The following KCNJ2 variants were observed in gnomAD, a reference collection of about 807,000 sequenced individuals.
The protein encoded by KCNJ2 is inward rectifier potassium channel 2.
In KCNJ2, 12 loss-of-function variants were observed where a neutral mutation model predicts 28.4. That is an observed-to-expected ratio of 0.42 (90% CI 0.27 to 0.68). The LOEUF is 0.68. Among genes scored for constraint, KCNJ2 ranks in the 30% least tolerant of loss-of-function variants. The pLI is 0.23. For synonymous variants in KCNJ2, 200 were observed against 203.2 expected (o/e 0.98, Z 0.13); for missense variants, 320 against 551.3 (o/e 0.58, Z 4.20).
In KCNJ2 at chr17:70,176,825, A is replaced by C. The variant is rs1197838421; in HGVS notation, c.*502A>C. On this transcript the variant is annotated 3_prime_UTR_variant, in exon 2 of 2. Transcript: ENST00000243457. The stretch of plus-strand genomic sequence containing the variant: ...AGCTCATGATGCGCTTCAAAGTGGC[A>C]AGTATTTGGCTATTAACTGCCAAAA... 5.5e-6 allele frequency: 1 copy of C among 180,440 alleles called. No individual in the cohort carries two copies. Among genetic ancestry groups the C allele is most frequent in the Non-Finnish European group, 1.3e-5 (1 of 75,540 alleles). The allele number at this position is 180,440 out of a possible 1,614,324, so 11.2% of individuals were successfully genotyped here.
rs1441487109 is a variant in KCNJ2 at position 70,178,995 on chromosome 17, G to T, written c.*2672G>T. 6.1e-6 allele frequency: 1 copy of T among 162,870 alleles called. No homozygotes were observed. Among genetic ancestry groups the T allele is most frequent in the African/African-American group, 2.5e-5 (1 of 40,316 alleles). The allele number at this position is 162,870 out of a possible 1,614,324, so 10.1% of individuals were successfully genotyped here. A position where few individuals can be genotyped will look rare whatever the true frequency, so the allele number is the denominator to read the frequency against. On this transcript the variant is annotated 3_prime_UTR_variant, in exon 2 of 2. Transcript: ENST00000243457. ...CTATGTTCTTCTGTTATTTATTTCAGCATGGACTGTTCATTTGAAACCTTT... is the reference window on the plus strand; with the variant it reads ...CTATGTTCTTCTGTTATTTATTTCATCATGGACTGTTCATTTGAAACCTTT...
chr17:70,173,560 G>C (rs1018212588), intron 1 of KCNJ2, among the ~76,000 whole-genome samples: 2 of 152,186 alleles, frequency 1.3e-5, no homozygotes, highest in Non-Finnish European at 1.5e-5. Flanking sequence ...AAGGGAAATA[G>C]TTTCTTAGGA....
chr17:70,174,256 G>T (rs186865916), intron 1 of KCNJ2, among the ~76,000 whole-genome samples: 6 of 152,146 alleles, frequency 3.9e-5, no homozygotes, highest in Admixed American at 3.9e-4. Flanking sequence ...CTAGCATTTC[G>T]TCAGCCTATC....
chr17:70,176,687 ACT>A lies in KCNJ2; in HGVS notation c.*367_*368del. 3 of 293,592 alleles carry A rather than the reference ACT, an allele frequency of 1.0e-5. No individual in the cohort carries two copies. The South Asian group carries it at 1.3e-4, about 12-fold the overall frequency. 18.2% of individuals were successfully genotyped at this position (293,592 alleles called of 1,614,324 possible). A position where few individuals can be genotyped will look rare whatever the true frequency, so the allele number is the denominator to read the frequency against. On this transcript the variant is annotated 3_prime_UTR_variant, in exon 2 of 2. Transcript: ENST00000243457. ...TTTTTAATGGCATAACAAAGGCAAGACTCTGCCTTAATTTTTGAAAAGCTGCT... is the reference window on the plus strand; with the variant it reads ...TTTTTAATGGCATAACAAAGGCAAGACTGCCTTAATTTTTGAAAAGCTGCT...
rs1050341043 is a variant in KCNJ2 at position 70,177,052 on chromosome 17, A to G, written c.*729A>G. The G allele has an allele frequency of 1.2e-5, 2 of 167,312 alleles. No individual in the cohort carries two copies. The highest frequency in any genetic ancestry group is 4.8e-5 in the African/African-American group (2 of 41,464). 10.4% of individuals were successfully genotyped at this position (167,312 alleles called of 1,614,324 possible). A position where few individuals can be genotyped will look rare whatever the true frequency, so the allele number is the denominator to read the frequency against. On this transcript the variant is annotated 3_prime_UTR_variant, in exon 2 of 2. Coordinates refer to ENST00000243457, the MANE Select transcript of KCNJ2 (RefSeq NM_000891.3). ...CTAAAATAAATACCAAAGATAATGC[A>G]TATTTTTGCACAGTGGAGCTTACAC...
intron 1 of KCNJ2, among the ~76,000 whole-genome samples, chr17:70,173,230 A>C (rs1009787779): frequency 1.1e-4 from 17 of 152,364 alleles, no homozygotes; most frequent in African/African-American, 4.1e-4. Context: ...CCTCTTCTTA[A>C]GGGAATGCAC....
chr17:70,176,104 T>G lies in KCNJ2; in HGVS notation c.1065T>G (p.Leu355=), dbSNP rs139564374. Residue 355 remains leucine (L), a synonymous_variant, in exon 2 of 2, where the codon CTT becomes CTG. Coordinates refer to ENST00000243457, the MANE Select transcript of KCNJ2 (RefSeq NM_000891.3). ...CTTACGAAGTCCCCAACACTCCCCTTTGTAGTGCCAGAGACTTAGCAGAAA... is the reference window on the plus strand; with the variant it reads ...CTTACGAAGTCCCCAACACTCCCCTGTGTAGTGCCAGAGACTTAGCAGAAA... The part of the protein sequence containing the change: ...HKTYEVPNTP[L]CSARDLAEKK... 200 of 1,614,024 alleles carry G rather than the reference T, an allele frequency of 1.2e-4. 1 individual carries two copies. In the African/African-American group the frequency reaches 2.5e-3, roughly 20 times the overall value.
intron 1 of KCNJ2, among the ~76,000 whole-genome samples, chr17:70,173,568 G>C (rs1381721618): frequency 2.0e-5 from 3 of 152,184 alleles, no homozygotes; most frequent in African/African-American, 4.8e-5. Context: ...TAGTTTCTTA[G>C]GAGTGAAGAT....
chr17:70,175,155 C>T lies in KCNJ2; in HGVS notation c.116C>T (p.Thr39Ile), dbSNP rs1367740803. Reference sequence around the variant, plus strand: ...GGGAACGGGAAGAGTAAAGTCCACACCCGACAACAGTGCAGGAGCCGCTTT... The same window carrying T: ...GGGAACGGGAAGAGTAAAGTCCACATCCGACAACAGTGCAGGAGCCGCTTT... Reference protein sequence around the residue: ...GFGNGKSKVHTRQQCRSRFVK... With the variant: ...GFGNGKSKVHIRQQCRSRFVK... The change falls in exon 2 of 2, where the codon ACC (threonine) becomes ATC (isoleucine). Residue 39 changes from threonine to isoleucine, a missense_variant. Physicochemically the swap from Thr to Ile is moderately conservative, Grantham distance 89 (BLOSUM62 -1). Around this residue, in one of 3 missense-constraint regions of KCNJ2, gnomAD observed 54 missense variants for 63.0 expected, o/e 0.86. Transcript: ENST00000243457. This position sits in a 1 kb window ranked among gnomAD's most constrained non-coding sequence, Gnocchi z 8.3. The T allele has an allele frequency of 6.2e-7, 1 of 1,614,058 alleles. No homozygotes were observed. Among genetic ancestry groups the T allele is most frequent in the Non-Finnish European group, 8.5e-7 (1 of 1,180,046 alleles).
rs2074417962 is a variant in KCNJ2, at chr17:70,179,924, A to G, written c.*3601A>G. ...CAATCGTGATAGTTATTATTTTCCC[A>G]TTTGCTGTCTTTTTGTATCTAAAGT... On this transcript the variant is annotated 3_prime_UTR_variant, in exon 2 of 2. Coordinates refer to ENST00000243457, the MANE Select transcript of KCNJ2 (RefSeq NM_000891.3). 6.0e-6 allele frequency: 1 copy of G among 167,042 alleles called. No homozygotes were observed. The highest frequency in any genetic ancestry group is 6.5e-5 in the Admixed American group (1 of 15,268). The allele number at this position is 167,042 out of a possible 1,614,324, so 10.3% of individuals were successfully genotyped here. A position where few individuals can be genotyped will look rare whatever the true frequency, so the allele number is the denominator to read the frequency against.
Position 70,176,099 on chromosome 17 carries a change from C to T in KCNJ2, c.1060C>T (p.Pro354Ser). ...FHKTYEVPNT[P>S]LCSARDLAEK... ...CAAAACTTACGAAGTCCCCAACACTCCCCTTTGTAGTGCCAGAGACTTAGC... is the reference window on the plus strand; with the variant it reads ...CAAAACTTACGAAGTCCCCAACACTTCCCTTTGTAGTGCCAGAGACTTAGC... Residue 354 changes from proline to serine, a missense_variant, in exon 2 of 2, where the codon CCC (proline) becomes TCC (serine). Physicochemically the swap from Pro to Ser is moderately conservative, Grantham distance 74. This residue lies in a region of KCNJ2 where 155 missense variants were observed against 231.6 expected (regional missense o/e 0.67). Coordinates refer to ENST00000243457, the MANE Select transcript of KCNJ2 (RefSeq NM_000891.3). The T allele has an allele frequency of 6.2e-7, 1 of 1,614,036 alleles. No homozygotes were observed. The highest frequency in any genetic ancestry group is 8.5e-7 in the Non-Finnish European group (1 of 1,179,958).
In KCNJ2 at chr17:70,178,963, C is replaced by T. The variant is rs777483936; in HGVS notation, c.*2640C>T. 3 of 164,244 alleles carry T rather than the reference C, an allele frequency of 1.8e-5. No individual in the cohort carries two copies. In the Admixed American group the frequency reaches 2.0e-4, roughly 11 times the overall value. 10.2% of individuals were successfully genotyped at this position (164,244 alleles called of 1,614,324 possible). On this transcript the variant is annotated 3_prime_UTR_variant, in exon 2 of 2. Transcript: ENST00000243457. ...AAATATATACCAGCCTTATAAGGTT[C>T]GTATTGCTATGTTCTTCTGTTATTT...
In KCNJ2 at chr17:70,172,615, G is replaced by A. The variant is rs150345354; in HGVS notation, c.-216-2209G>A. ...TGGTTGTTATGTTTTAATCTGGAAG[G>A]AGTACAGAAATAAGTCAGAAGAAAT... On this transcript the variant is annotated intron_variant, in intron 1 of 1. Transcript: ENST00000243457. Among the ~76,000 whole-genome samples, 809 of 152,244 alleles carry A rather than the reference G, an allele frequency of 5.3e-3. 7 individuals carry two copies. Among genetic ancestry groups the A allele is most frequent in the African/African-American group, 0.017 (724 of 41,540 alleles).
Position 70,179,822 on chromosome 17 carries a change from G to A in KCNJ2, c.*3499G>A, listed in dbSNP as rs540233396. 1 of 166,992 alleles carries A rather than the reference G, an allele frequency of 6.0e-6. No individual in the cohort carries two copies. Among genetic ancestry groups the A allele is most frequent in the Admixed American group, 6.6e-5 (1 of 15,252 alleles). The allele number at this position is 166,992 out of a possible 1,614,324, so 10.3% of individuals were successfully genotyped here. Reference sequence around the variant, plus strand: ...GCTACCTGCCCATCCCCAACCCTCAGCAAAGTAGAATCTCTTTTCTGGTAA... The same window carrying A: ...GCTACCTGCCCATCCCCAACCCTCAACAAAGTAGAATCTCTTTTCTGGTAA... On this transcript the variant is annotated 3_prime_UTR_variant, in exon 2 of 2. Transcript: ENST00000243457.
At chr17:70,172,993 G>A (rs2074373164) in intron 1 of KCNJ2, among the ~76,000 whole-genome samples, 4 of 152,162 alleles carry the variant, frequency 2.6e-5, no homozygotes, top group Admixed American at 2.6e-4. Flanking sequence ...TGAAGCAGGT[G>A]GAAGGTTAGG....
chr17:70,176,537 A>T lies in KCNJ2; in HGVS notation c.*214A>T, dbSNP rs1274015415. The T allele has an allele frequency of 1.6e-6, 1 of 613,444 alleles. No homozygotes were observed. The highest frequency in any genetic ancestry group is 3.0e-6 in the Non-Finnish European group (1 of 336,590). 38.0% of individuals were successfully genotyped at this position (613,444 alleles called of 1,614,324 possible). On this transcript the variant is annotated 3_prime_UTR_variant, in exon 2 of 2. Coordinates refer to ENST00000243457, the MANE Select transcript of KCNJ2 (RefSeq NM_000891.3). ...CTCCATGTGACCCGATGGCACATAG[A>T]TGTTGTAGAATAAGTTATGGGTTTT...
chr17:70,170,232 T>G (rs2144370298), intron 1 of KCNJ2, among the ~76,000 whole-genome samples: 1 of 152,194 alleles, frequency 6.6e-6, no homozygotes, highest in East Asian at 1.9e-4. Flanking sequence ...GTCTCAAAGT[T>G]GCCTTCCTGA....
Position 70,176,124 on chromosome 17 carries a change from C to G in KCNJ2, c.1085C>G (p.Ala362Gly), listed in dbSNP as rs1340759524. The change falls in exon 2 of 2, where the codon GCA becomes GGA. Residue 362 changes from alanine (A) to glycine (G), a missense_variant. Ala to Gly is a moderately conservative substitution (Grantham distance 60). Transcript: ENST00000243457. Reference protein sequence around the residue: ...NTPLCSARDLAEKKYILSNAN... With the variant: ...NTPLCSARDLGEKKYILSNAN... ...CCCCTTTGTAGTGCCAGAGACTTAG[C>G]AGAAAAGAAATATATCCTCTCAAAT... is the stretch of plus-strand genomic sequence containing the variant. 1 of 1,613,980 alleles carries G rather than the reference C, an allele frequency of 6.2e-7. No homozygotes were observed. Among genetic ancestry groups the G allele is most frequent in the Non-Finnish European group, 8.5e-7 (1 of 1,180,006 alleles).
intron 1 of KCNJ2, among the ~76,000 whole-genome samples, chr17:70,173,686 A>C (rs1350844925): frequency 6.6e-6 from 1 of 152,204 alleles, no homozygotes; most frequent in Non-Finnish European, 1.5e-5. Flanking sequence ...TGCCTTCTCC[A>C]TAGGAACCTA....
Sources: allele counts gnomAD v4.1 joint callset (sites outside exome capture counted in the v4.1 genomes callset), GRCh38; gene constraint gnomAD v4.1.1; regional missense constraint gnomAD v4.1.1; non-coding constraint Gnocchi (gnomAD v3.1); transcripts MANE v1.5; gene names NCBI Gene and HGNC (gene_info 2026-07-23, HGNC 2026-07-21).